RGS7: variants seen among roughly 807,000 people sequenced by gnomAD.
RGS7 encodes regulator of G protein signaling 7, also known as regulator of G-protein signaling 7.
In RGS7, 27 loss-of-function variants were observed where a neutral mutation model predicts 81.1. The observed-to-expected ratio is 0.33, with a 90% CI of 0.25 to 0.46. RGS7 has a LOEUF of 0.46. Among genes scored for constraint, RGS7 ranks in the 20% least tolerant of loss-of-function variants. The pLI is 1.00. For missense variants in RGS7, 396 were observed against 607.4 expected (o/e 0.65, Z 3.66); for synonymous variants, 208 against 207.7 (o/e 1.00, Z -0.01).
intron 2 of RGS7, among the ~76,000 whole-genome samples, chr1:241,184,956 C>T (rs765330799): frequency 2.6e-5 from 4 of 151,918 alleles, no homozygotes; most frequent in Admixed American, 6.5e-5. Flanking sequence ...ATTGGACATT[C>T]TTAAGCAGAA....
intron 18 of RGS7, among the ~76,000 whole-genome samples, chr1:240,785,992 T>G (rs1422831121): frequency 6.6e-6 from 1 of 152,196 alleles, no homozygotes; most frequent in East Asian, 1.9e-4. Flanking sequence ...TCATATTTAA[T>G]GTTGAATGCT....
intron 6 of RGS7, among the ~76,000 whole-genome samples, chr1:240,897,686 G>A (rs368587367): frequency 1.7e-4 from 26 of 152,118 alleles, no homozygotes; most frequent in African/African-American, 1.2e-4. Flanking sequence ...CGGTTTGCCC[G>A]TATTTTATTG....
At chr1:241,306,696 C>A (rs185563567) in intron 2 of RGS7, among the ~76,000 whole-genome samples, 2 of 152,040 alleles carry the variant, frequency 1.3e-5, no homozygotes, top group East Asian at 3.9e-4. Flanking sequence ...CTCTTACACA[C>A]ACATACACCC....
intron 2 of RGS7, among the ~76,000 whole-genome samples, chr1:241,157,858 G>T (rs961576935): frequency 1.6e-5 from 2 of 125,682 alleles, no homozygotes; most frequent in Admixed American, 9.1e-5. Flanking sequence ...TCGCTCTGTT[G>T]CCCAGGCTGG....
rs1266375316 is a variant in RGS7 at position 241,046,351 on chromosome 1, T to TCCCC, written c.175+52314_175+52315insGGGG. ...CCCCAATGTCTGTTGTTCCCATCTT[T>TCCCC]ATGTCCATGTGTACTTAATGTATAG... On this transcript the variant is annotated intron_variant, in intron 3 of 18. Coordinates refer to ENST00000440928, the MANE Select transcript of RGS7 (RefSeq NM_001364886.1). Among the ~76,000 whole-genome samples, 62 of 151,642 alleles carry TCCCC rather than the reference T, an allele frequency of 4.1e-4. 1 individual carries two copies. The highest frequency in any genetic ancestry group is 1.5e-3 in the African/African-American group (61 of 41,380).
rs1230483799 is a variant in RGS7, at chr1:240,919,959, G to C, written c.385+10758C>G. On this transcript the variant is annotated intron_variant, in intron 6 of 18. Coordinates refer to ENST00000440928, the MANE Select transcript of RGS7 (RefSeq NM_001364886.1). The stretch of plus-strand genomic sequence containing the variant: ...TCAAAGACCAGGTGCCCACTTAACT[G>C]TGAAAAACATATTTGTTGGTGGCAT... 3.7e-6 allele frequency: 5 copies of C among 1,341,946 alleles called. No individual in the cohort carries two copies. The African/African-American group carries it at 4.3e-5, about 12-fold the overall frequency. 83.1% of individuals were successfully genotyped at this position (1,341,946 alleles called of 1,614,324 possible).
intron 3 of RGS7, among the ~76,000 whole-genome samples, chr1:240,993,248 G>GGAAA (rs763764704): frequency 6.0e-5 from 9 of 148,930 alleles, no homozygotes; most frequent in South Asian, 4.2e-4. Context: ...AAGAAAGAGA[G>GGAAA]GAAAGAAAGA....
chr1:240,939,898 C>T (rs1006288660), intron 4 of RGS7, among the ~76,000 whole-genome samples: 4 of 151,790 alleles, frequency 2.6e-5, no homozygotes, highest in African/African-American at 9.7e-5. Flanking sequence ...TGGTGAACCC[C>T]GTCTCTACTA....
downstream of RGS7, among the ~76,000 whole-genome samples, chr1:240,775,234 C>A (rs1327095308): frequency 6.6e-6 from 1 of 152,114 alleles, no homozygotes; most frequent in African/African-American, 2.4e-5. Context: ...TATACAGATG[C>A]ATATTCATCA....
chr1:240,831,199 T>A (rs1693775093), intron 9 of RGS7, among the ~76,000 whole-genome samples: 1 of 152,140 alleles, frequency 6.6e-6, no homozygotes, highest in Non-Finnish European at 1.5e-5. Context: ...CCCTGTAATT[T>A]CTAATGAGGC....
intron 2 of RGS7, among the ~76,000 whole-genome samples, chr1:241,135,499 T>G (rs1260972335): frequency 1.3e-5 from 2 of 151,976 alleles, no homozygotes; most frequent in Non-Finnish European, 2.9e-5. Context: ...TGGCGTGCTC[T>G]TGGGTTCGAG....
chr1:241,286,226 A>C (rs916133911), intron 2 of RGS7, among the ~76,000 whole-genome samples: 1 of 152,158 alleles, frequency 6.6e-6, no homozygotes, highest in Non-Finnish European at 1.5e-5. Context: ...AAGCATTGAG[A>C]TGGAAAGAGC....
At chr1:240,945,174 GA>G (rs1414091935) in intron 4 of RGS7, among the ~76,000 whole-genome samples, 3 of 152,192 alleles carry the variant, frequency 2.0e-5, no homozygotes, top group African/African-American at 4.8e-5. Flanking sequence ...AAGGGAAATG[GA>G]TTTTTCTTTA....
chr1:240,863,151 C>T (rs554883588), intron 9 of RGS7, among the ~76,000 whole-genome samples: 48 of 152,172 alleles, frequency 3.2e-4, no homozygotes, highest in African/African-American at 8.4e-4. Flanking sequence ...CTCACTATGT[C>T]GCCCAGGCTT....
rs199957201 is a variant in RGS7 at position 240,827,875 on chromosome 1, A to AC, written c.610-704_610-703insG. Among the ~76,000 whole-genome samples the AC allele has an allele frequency of 9.5e-4, 142 of 148,882 alleles. No individual in the cohort carries two copies. The East Asian group carries it at 0.024, about 25-fold the overall frequency. On this transcript the variant is annotated intron_variant, in intron 9 of 18. Transcript: ENST00000440928. Reference sequence around the variant, plus strand: ...GCAAAACTCCATTGCAAAAAAAAAAAAAAAAAAAAAAAACAGGCTGTTATT... The same window carrying AC: ...GCAAAACTCCATTGCAAAAAAAAAAACAAAAAAAAAAAAACAGGCTGTTATT...
chr1:241,320,073 A>G (rs2081122316), intron 2 of RGS7, among the ~76,000 whole-genome samples: 1 of 152,206 alleles, frequency 6.6e-6, no homozygotes, highest in Admixed American at 6.5e-5. Flanking sequence ...CCTGGGCAAC[A>G]GAGCGAGACT....
intron 6 of RGS7, among the ~76,000 whole-genome samples, chr1:240,885,292 C>T (rs1446881238): frequency 2.0e-5 from 3 of 152,178 alleles, no homozygotes; most frequent in African/African-American, 7.2e-5. Flanking sequence ...AACACTTGCA[C>T]ACTCTTGGTG....
rs925808098 is a variant in RGS7, at chr1:241,224,300, C to T, written c.79-125538G>A. Among the ~76,000 whole-genome samples, 4 of 146,630 alleles carry T rather than the reference C, an allele frequency of 2.7e-5. No individual in the cohort carries two copies. The East Asian group carries it at 8.3e-4, about 30-fold the overall frequency. Reference sequence around the variant, plus strand: ...TGTGATGTTCCCCTCCCTATGTCCACGTGTTCTCATTGTTCAACTCCCACT... The same window carrying T: ...TGTGATGTTCCCCTCCCTATGTCCATGTGTTCTCATTGTTCAACTCCCACT... On this transcript the variant is annotated intron_variant, in intron 2 of 18. Transcript: ENST00000440928.
At chr1:241,270,642 T>G (rs1289039076) in intron 2 of RGS7, among the ~76,000 whole-genome samples, 1 of 152,192 alleles carries the variant, frequency 6.6e-6, no homozygotes, top group Non-Finnish European at 1.5e-5. Context: ...CAACTGGAGC[T>G]CTAGTAAGTT....
Sources: gnomAD v4.1 joint callset for allele counts (sites outside exome capture counted in the v4.1 genomes callset) on GRCh38, gnomAD v4.1.1 for gene constraint, MANE v1.5 for transcripts, NCBI Gene and HGNC (gene_info 2026-07-23, HGNC 2026-07-21) for gene names.